The following SBF2 variants were observed in gnomAD, a reference collection of about 807,000 sequenced individuals.
The protein encoded by SBF2 is myotubularin-related protein 13.
SBF2 carries 112 observed loss-of-function variants against 225.2 expected under a neutral mutation model. The observed-to-expected ratio is 0.50, with a 90% CI of 0.43 to 0.58. SBF2 has a LOEUF of 0.58. Among genes scored for constraint, SBF2 ranks in the 20% least tolerant of loss-of-function variants. The probability of loss-of-function intolerance (pLI) is 0.00; values close to 1 mark genes in which losing one functional copy is unlikely to be tolerated. For synonymous variants in SBF2, 763 were observed against 773.3 expected, an observed-to-expected ratio of 0.99 and a Z score of 0.22; for missense variants, 1,996 against 2,206.2, an observed-to-expected ratio of 0.90 and a Z score of 1.91.
intron 2 of SBF2, among the ~76,000 whole-genome samples, chr11:10,077,466 T>A (rs1256701415): frequency 6.6e-6 from 1 of 150,532 alleles, no homozygotes; most frequent in African/African-American, 2.4e-5. Context: ...TATACACCAA[T>A]GGAATAACAA....
At chr11:10,009,088 G>GGGCA (rs1440284716) in intron 6 of SBF2, among the ~76,000 whole-genome samples, 1 of 152,168 alleles carries the variant, frequency 6.6e-6, no homozygotes, top group African/African-American at 2.4e-5. Flanking sequence ...AGAGGCTCCA[G>GGGCA]GGCAGACATC....
intron 6 of SBF2, among the ~76,000 whole-genome samples, chr11:10,009,762 C>G (rs1236363309): frequency 2.0e-5 from 3 of 152,162 alleles, no homozygotes; most frequent in Admixed American, 6.5e-5. Flanking sequence ...AATCCTTTGG[C>G]TATATACCCA....
intron 6 of SBF2, among the ~76,000 whole-genome samples, chr11:10,026,943 T>C (rs1949078122): frequency 6.6e-6 from 1 of 152,134 alleles, no homozygotes; most frequent in Non-Finnish European, 1.5e-5. Context: ...AAACTTGCAC[T>C]AGAAGAGAAG....
intron 1 of SBF2, among the ~76,000 whole-genome samples, chr11:10,267,043 G>C (rs11042705): frequency 0.021 from 3,217 of 152,262 alleles, 87 homozygotes; most frequent in African/African-American, 0.063. Context: ...GCAATGGGCC[G>C]AGATCGTGCC....
chr11:9,879,976 C>A (rs947762181), intron 17 of SBF2, among the ~76,000 whole-genome samples: 3 of 148,302 alleles, frequency 2.0e-5, no homozygotes, highest in Non-Finnish European at 4.4e-5. Flanking sequence ...CCCAGCTACT[C>A]GGGAGGCTGA....
chr11:10,124,597 T>C (rs1953649393), intron 2 of SBF2, among the ~76,000 whole-genome samples: 1 of 152,170 alleles, frequency 6.6e-6, no homozygotes, highest in South Asian at 2.1e-4. Context: ...GAATGAGTTT[T>C]TGACACATGT....
intron 32 of SBF2, among the ~76,000 whole-genome samples, chr11:9,801,882 TG>T (rs1853512770): frequency 6.6e-6 from 1 of 152,390 alleles, no homozygotes; most frequent in Admixed American, 6.5e-5. Flanking sequence ...TGCTCACATA[TG>T]TGCTCACAAG....
intron 8 of SBF2, among the ~76,000 whole-genome samples, chr11:10,000,691 G>T (rs1193260253): frequency 6.6e-6 from 1 of 152,090 alleles, no homozygotes; most frequent in Non-Finnish European, 1.5e-5. Context: ...CCAAAAGAGG[G>T]ATATTTAAAA....
At chr11:9,900,524 TA>T (rs1564975556) in intron 16 of SBF2, among the ~76,000 whole-genome samples, 2 of 152,102 alleles carry the variant, frequency 1.3e-5, no homozygotes, top group African/African-American at 4.8e-5. Flanking sequence ...CCCTAGCCAA[TA>T]GGGGAAGGAC....
chr11:10,229,938 G>A (rs1328165283), intron 1 of SBF2, among the ~76,000 whole-genome samples: 1 of 152,172 alleles, frequency 6.6e-6, no homozygotes, highest in Non-Finnish European at 1.5e-5. Context: ...TTATTATTGT[G>A]TGGGAGTCTA....
At chr11:9,854,448 T>A (rs1857175004) in intron 19 of SBF2, among the ~76,000 whole-genome samples, 1 of 152,174 alleles carries the variant, frequency 6.6e-6, no homozygotes, top group African/African-American at 2.4e-5. Context: ...CCTATTAACT[T>A]CTCTTTTCTG....
intron 17 of SBF2, 90 bp from the exon 18 acceptor site, chr11:9,858,486 G>A (rs1314601710): frequency 7.8e-7 from 1 of 1,283,604 alleles, no homozygotes; most frequent in Non-Finnish European, 1.1e-6. Flanking sequence ...TCATAGATGA[G>A]ATCAAAGGAT....
chr11:10,025,374 G>C (rs181963426), intron 6 of SBF2, among the ~76,000 whole-genome samples: 32 of 151,754 alleles, frequency 2.1e-4, no homozygotes, highest in Non-Finnish European at 4.0e-4. Flanking sequence ...AATTATGAGA[G>C]CTTTATATAA....
Position 9,779,979 on chromosome 11 carries a change from C to A in SBF2, c.*439G>T. 1 of 250,402 alleles carries A rather than the reference C, an allele frequency of 4.0e-6. No individual in the cohort carries two copies. The highest frequency in any genetic ancestry group is 8.9e-5 in the East Asian group (1 of 11,228). The allele number at this position is 250,402 out of a possible 1,614,324, so 15.5% of individuals were successfully genotyped here. A position where few individuals can be genotyped will look rare whatever the true frequency, so the allele number is the denominator to read the frequency against. On this transcript the variant is annotated 3_prime_UTR_variant, in exon 40 of 40. Transcript: ENST00000256190. The stretch of plus-strand genomic sequence containing the variant: ...CAAGTAGATGTCTCTCATAGGAAAC[C>A]TAGTCCAGGTAGAATATGAGACAAT...
chr11:10,013,726 C>A (rs945332229), intron 6 of SBF2, among the ~76,000 whole-genome samples: 5 of 152,158 alleles, frequency 3.3e-5, no homozygotes, highest in African/African-American at 1.2e-4. Context: ...CATCTCTCAC[C>A]AAAATGCCTG....
chr11:9,859,596 G>A (rs562058070), intron 17 of SBF2, among the ~76,000 whole-genome samples: 5 of 152,104 alleles, frequency 3.3e-5, no homozygotes, highest in African/African-American at 4.8e-5. Flanking sequence ...GTTTTCTTTC[G>A]AAGCAATTTA....
rs750993258 is a variant in SBF2 at position 9,831,971 on chromosome 11, G to T, written c.3652+253C>A. On this transcript the variant is annotated intron_variant, in intron 27 of 39. Transcript: ENST00000256190. ...GGAATGAAAATTGCCTAGGACCAAA[G>T]ACTTTATTATATTAATTTCTATTAA... is the stretch of plus-strand genomic sequence containing the variant. 2.6e-5 allele frequency among the ~76,000 whole-genome samples: 4 copies of T among 152,176 alleles called. No homozygotes were observed. In the South Asian group the frequency reaches 8.3e-4, roughly 32 times the overall value.
chr11:10,143,360 C>T (rs1452477380), intron 2 of SBF2, among the ~76,000 whole-genome samples: 5 of 152,136 alleles, frequency 3.3e-5, no homozygotes, highest in Admixed American at 6.5e-5. Context: ...TTAGTAGAAA[C>T]GGGGTTTCAC....
chr11:10,227,140 T>A (rs1261008578), intron 1 of SBF2, among the ~76,000 whole-genome samples: 1 of 152,204 alleles, frequency 6.6e-6, no homozygotes, highest in African/African-American at 2.4e-5. Context: ...GAAGTGTCTG[T>A]TCATATCCTT....
Sources: gnomAD v4.1 joint callset for allele counts (sites outside exome capture counted in the v4.1 genomes callset) on GRCh38, gnomAD v4.1.1 for gene constraint, MANE v1.5 for transcripts, NCBI Gene and HGNC (gene_info 2026-07-23, HGNC 2026-07-21) for gene names.